Variants in CARS1 observed in about 807,000 individuals in gnomAD.
CARS1 encodes the protein cysteine--tRNA ligase, cytoplasmic.
CARS1 carries 48 observed loss-of-function variants against 106.2 expected under a neutral mutation model. That is an observed-to-expected ratio of 0.45 (90% CI 0.36 to 0.57). The LOEUF (loss-of-function observed/expected upper bound fraction) is 0.57, where lower values mean the gene tolerates loss of function less well. CARS1 is among the 20% of genes least tolerant of loss of function. The pLI is 0.00. For missense variants in CARS1, 968 were observed against 1,057.2 expected (o/e 0.92, Z 1.17); for synonymous variants, 409 against 403.4 (o/e 1.01, Z -0.17).
rs1297233749 is a variant in CARS1 at position 3,034,803 on chromosome 11, G to C, written c.801+3247C>G. 6.6e-6 allele frequency among the ~76,000 whole-genome samples: 1 copy of C among 152,134 alleles called. No homozygotes were observed. The highest frequency in any genetic ancestry group is 1.5e-5 in the Non-Finnish European group (1 of 68,040). ...CCCACCTCAGCCTCCCAAAGTGCTG[G>C]GATTACAGGCATGAGCCACGATGCC... On this transcript the variant is annotated intron_variant, in intron 7 of 22. Transcript: ENST00000380525. The surrounding 1 kb of genome is among the most constrained non-coding windows in gnomAD (Gnocchi z 6.3).
At chr11:3,012,392 T>C in intron 17 of CARS1, 116 bp from the exon 18 acceptor site, 2 of 855,628 alleles carry the variant, frequency 2.3e-6, no homozygotes, top group African/African-American at 1.7e-5. Flanking sequence ...AGTGCTGCTG[T>C]GCACACTACA....
rs1851354020 is a variant in CARS1, at chr11:3,019,355, C to T, written c.1267-88G>A. 7 of 1,289,794 alleles carry T rather than the reference C, an allele frequency of 5.4e-6. No individual in the cohort carries two copies. The highest frequency in any genetic ancestry group is 7.0e-6 in the Non-Finnish European group (7 of 1,000,656). The allele number at this position is 1,289,794 out of a possible 1,614,324, so 79.9% of individuals were successfully genotyped here. A position where few individuals can be genotyped will look rare whatever the true frequency, so the allele number is the denominator to read the frequency against. ...TATCACTCCAAGTTGATGGCCCTTA[C>T]ATCCTCTGAACTTTATTGGAACAAG... On this transcript the variant is annotated intron_variant, in intron 11 of 22. Transcript: ENST00000380525. This position sits in a 1 kb window ranked among gnomAD's most constrained non-coding sequence, Gnocchi z 6.2.
chr11:3,053,170 C>A lies in CARS1; in HGVS notation c.25+4173G>T, dbSNP rs998965578. 6.6e-6 allele frequency among the ~76,000 whole-genome samples: 1 copy of A among 152,114 alleles called. No homozygotes were observed. The highest frequency in any genetic ancestry group is 1.5e-5 in the Non-Finnish European group (1 of 67,990). On this transcript the variant is annotated intron_variant, in intron 1 of 22. Coordinates refer to ENST00000380525, the MANE Select transcript of CARS1 (RefSeq NM_001014437.3). The surrounding 1 kb of genome is among the most constrained non-coding windows in gnomAD (Gnocchi z 6.6). ...ACGTCAAACAACTGTGGCAGTGCGA[C>A]CTCTCCCTCTCTCTGGCTCTTTCCT...
At position 3,019,088 on chromosome 11, in the gene CARS1, G is replaced by A. The variant is rs1851314745; in HGVS notation, c.1395+51C>T. On this transcript the variant is annotated intron_variant, in intron 12 of 22. Coordinates refer to ENST00000380525, the MANE Select transcript of CARS1 (RefSeq NM_001014437.3). The surrounding 1 kb of genome is among the most constrained non-coding windows in gnomAD (Gnocchi z 6.2). Reference sequence around the variant, plus strand: ...CTGGGCTGACTTTTCCTCCACTGCAGTATGAACACTGTGCTCTTGCACCTG... The same window carrying A: ...CTGGGCTGACTTTTCCTCCACTGCAATATGAACACTGTGCTCTTGCACCTG... The A allele has an allele frequency of 2.0e-6, 3 of 1,496,694 alleles. No homozygotes were observed. The East Asian group carries it at 7.1e-5, about 35-fold the overall frequency. The allele number at this position is 1,496,694 out of a possible 1,614,324, so 92.7% of individuals were successfully genotyped here.
rs1479100935 is a variant in CARS1, at chr11:3,043,272, AG to A, written c.275-1017del. ...GGGGCAGAGCTCTGTCCCTGGGGCC[AG>A]GGGCAGCCACAGGGTGATTATTCAC... On this transcript the variant is annotated intron_variant, in intron 2 of 22. Coordinates refer to ENST00000380525, the MANE Select transcript of CARS1 (RefSeq NM_001014437.3). This position sits in a 1 kb window ranked among gnomAD's most constrained non-coding sequence, Gnocchi z 4.0. Among the ~76,000 whole-genome samples, 1 of 152,022 alleles carries A rather than the reference AG, an allele frequency of 6.6e-6. No individual in the cohort carries two copies. Among genetic ancestry groups the A allele is most frequent in the Non-Finnish European group, 1.5e-5 (1 of 67,982 alleles).
rs1036260875 is a variant in CARS1, at chr11:3,034,890, G to C, written c.801+3160C>G. ...TTCTTACAATTCTGTAGGCTGGAAA[G>C]TTCAAGGTCAAGGGGCCACATCTGT... On this transcript the variant is annotated intron_variant, in intron 7 of 22. Coordinates refer to ENST00000380525, the MANE Select transcript of CARS1 (RefSeq NM_001014437.3). The surrounding 1 kb of genome is among the most constrained non-coding windows in gnomAD (Gnocchi z 6.3). 2.0e-5 allele frequency among the ~76,000 whole-genome samples: 3 copies of C among 152,128 alleles called. No individual in the cohort carries two copies. Among genetic ancestry groups the C allele is most frequent in the African/African-American group, 7.2e-5 (3 of 41,422 alleles).
Position 3,040,139 on chromosome 11 carries a change from T to C in CARS1, c.456-208A>G. ...TTTATAATGATCCACTTCCACCTAA[T>C]GAATAGTAAATATATTGCCTCTCCC... On this transcript the variant is annotated intron_variant, in intron 4 of 22. Coordinates refer to ENST00000380525, the MANE Select transcript of CARS1 (RefSeq NM_001014437.3). This position sits in a 1 kb window ranked among gnomAD's most constrained non-coding sequence, Gnocchi z 5.8. 3 of 505,500 alleles carry C rather than the reference T, an allele frequency of 5.9e-6. No homozygotes were observed. Among genetic ancestry groups the C allele is most frequent in the Non-Finnish European group, 1.0e-5 (3 of 288,926 alleles). The allele number at this position is 505,500 out of a possible 1,614,324, so 31.3% of individuals were successfully genotyped here. A position where few individuals can be genotyped will look rare whatever the true frequency, so the allele number is the denominator to read the frequency against.
chr11:3,023,404 A>C (rs138424902), intron 10 of CARS1, among the ~76,000 whole-genome samples: 150 of 152,302 alleles, frequency 9.8e-4, no homozygotes, highest in African/African-American at 3.5e-3. Flanking sequence ...ACATACATAC[A>C]TTCAAACACA....
rs1366911379 is a variant in CARS1, at chr11:3,034,795, A to G, written c.801+3255T>C. On this transcript the variant is annotated intron_variant, in intron 7 of 22. Coordinates refer to ENST00000380525, the MANE Select transcript of CARS1 (RefSeq NM_001014437.3). The surrounding 1 kb of genome is among the most constrained non-coding windows in gnomAD (Gnocchi z 6.3). ...GTGATCTGCCCACCTCAGCCTCCCA[A>G]AGTGCTGGGATTACAGGCATGAGCC... is the stretch of plus-strand genomic sequence containing the variant. 6.6e-6 allele frequency among the ~76,000 whole-genome samples: 1 copy of G among 152,126 alleles called. No homozygotes were observed. Among genetic ancestry groups the G allele is most frequent in the Non-Finnish European group, 1.5e-5 (1 of 68,024 alleles).
Position 3,038,947 on chromosome 11 carries a change from T to C in CARS1, c.651+247A>G, listed in dbSNP as rs1854047323. Among the ~76,000 whole-genome samples, 1 of 152,200 alleles carries C rather than the reference T, an allele frequency of 6.6e-6. No homozygotes were observed. Among genetic ancestry groups the C allele is most frequent in the South Asian group, 2.1e-4 (1 of 4,826 alleles). ...GTGGCACTGTGATGAATTCAGTTGT[T>C]TTCCTGTAAGTGGCAGGAATGTCAC... On this transcript the variant is annotated intron_variant, in intron 6 of 22. Coordinates refer to ENST00000380525, the MANE Select transcript of CARS1 (RefSeq NM_001014437.3). The surrounding 1 kb of genome is among the most constrained non-coding windows in gnomAD (Gnocchi z 4.0).
At position 3,001,969 on chromosome 11, in the gene CARS1, C is replaced by T. The variant is rs1307948790; in HGVS notation, c.2361+1G>A. On this transcript the variant is annotated splice_donor_variant, in intron 22 of 22. Coordinates refer to ENST00000380525, the MANE Select transcript of CARS1 (RefSeq NM_001014437.3). LOFTEE classifies it high-confidence loss of function. The stretch of plus-strand genomic sequence containing the variant: ...GAAGAGAAGGATGCTTACATGCTTA[C>T]ATTTTCATCAAACTTGGAGTATTTG... 6.2e-7 allele frequency: 1 copy of T among 1,606,602 alleles called. No individual in the cohort carries two copies. The highest frequency in any genetic ancestry group is 1.3e-5 in the African/African-American group (1 of 74,880).
chr11:3,002,645 C>G, intron 20 of CARS1, 45 bp from the exon 21 acceptor site: 1 of 1,611,866 alleles, frequency 6.2e-7, no homozygotes, highest in Non-Finnish European at 8.5e-7. Flanking sequence ...CTGCCTCAGG[C>G]TGCTGGGTCT....
chr11:3,024,171 G>A (rs1257382218), intron 10 of CARS1, among the ~76,000 whole-genome samples: 1 of 152,184 alleles, frequency 6.6e-6, no homozygotes, highest in Non-Finnish European at 1.5e-5. Flanking sequence ...GATTACAGGC[G>A]TGAGCCACTG....
intron 9 of CARS1, chr11:3,027,797 G>A (rs533272240): frequency 1.4e-4 from 63 of 453,970 alleles, no homozygotes; most frequent in African/African-American, 9.4e-4. Flanking sequence ...GAGGATGCCC[G>A]TTGCCAAGCG....
chr11:3,010,249 A>G (rs556257751), intron 18 of CARS1, among the ~76,000 whole-genome samples: 1 of 152,180 alleles, frequency 6.6e-6, no homozygotes, highest in Non-Finnish European at 1.5e-5. Context: ...GGGCTGTGGC[A>G]TGCCAGGGAA....
chr11:3,029,351 C>A lies in CARS1; in HGVS notation c.894G>T (p.Leu298=). 1 of 1,614,066 alleles carries A rather than the reference C, an allele frequency of 6.2e-7. No homozygotes were observed. Among genetic ancestry groups the A allele is most frequent in the Non-Finnish European group, 8.5e-7 (1 of 1,179,900 alleles). Residue 298 remains leucine (L), a synonymous_variant, in exon 8 of 23, where the codon CTG becomes CTT. Coordinates refer to ENST00000380525, the MANE Select transcript of CARS1 (RefSeq NM_001014437.3). The surrounding 1 kb of genome is among the most constrained non-coding windows in gnomAD (Gnocchi z 5.9). ...DVTDNSIFSK[L]PKFWEGDFHR... is the part of the protein sequence containing the mutation. Reference sequence around the variant, plus strand: ...GGAAGTCCCCCTCCCAGAACTTGGGCAGCTTGGAGAAGATGGAATTGTCAG... The same window carrying A: ...GGAAGTCCCCCTCCCAGAACTTGGGAAGCTTGGAGAAGATGGAATTGTCAG...
In CARS1 at chr11:3,047,925, C is replaced by A. The variant is rs769079103; in HGVS notation, c.102G>T (p.Thr34=). The A allele has an allele frequency of 6.2e-7, 1 of 1,614,148 alleles. No individual in the cohort carries two copies. Among genetic ancestry groups the A allele is most frequent in the Non-Finnish European group, 8.5e-7 (1 of 1,180,018 alleles). ...GTGAGTACCCCTGGACATAGCTACG[C>A]GTGCTGAGGTGCTCGTTCAGGGCTT... is the stretch of plus-strand genomic sequence containing the variant. The part of the protein sequence containing the change: ...RAQALNEHLS[T]RSYVQGYSLS... The change falls in exon 2 of 23, where the codon ACG becomes ACT. Residue 34 remains threonine, a synonymous_variant. Transcript: ENST00000380525.
rs145618512 is a variant in CARS1, at chr11:3,019,168, G to A, written c.1366C>T (p.His456Tyr). Residue 456 changes from histidine to tyrosine, a missense_variant, in exon 12 of 23, where the codon CAC (histidine) becomes TAC (tyrosine). Transcript: ENST00000380525. This position sits in a 1 kb window ranked among gnomAD's most constrained non-coding sequence, Gnocchi z 6.2. ...HGGGFDLRFP[H>Y]HDNELAQSEA... is the part of the protein sequence containing the mutation. ...GACTGTGCCAGCTCATTGTCATGGT[G>A]GGGGAACCGGAGGTCGAACCCACCT... 6.6e-7 allele frequency: 1 copy of A among 1,524,272 alleles called. No individual in the cohort carries two copies. Among genetic ancestry groups the A allele is most frequent in the Non-Finnish European group, 8.8e-7 (1 of 1,139,770 alleles). The allele number at this position is 1,524,272 out of a possible 1,614,324, so 94.4% of individuals were successfully genotyped here.
chr11:3,025,079 G>A (rs1851918880), intron 10 of CARS1, among the ~76,000 whole-genome samples: 1 of 152,106 alleles, frequency 6.6e-6, no homozygotes, highest in Non-Finnish European at 1.5e-5. Flanking sequence ...AGAGGCCCAG[G>A]CTGCATCCTC....
Sources: gnomAD v4.1 joint callset for allele counts (sites outside exome capture counted in the v4.1 genomes callset) on GRCh38, gnomAD v4.1.1 for gene constraint, Gnocchi (gnomAD v3.1) non-coding constraint, MANE v1.5 for transcripts, NCBI Gene and HGNC (gene_info 2026-07-23, HGNC 2026-07-21) for gene names.